CARD10: variants seen among roughly 807,000 people sequenced by gnomAD.
CARD10 encodes caspase recruitment domain-containing protein 10.
In CARD10, 49 loss-of-function variants were observed where a neutral mutation model predicts 114.6. That is an observed-to-expected ratio of 0.43 (90% CI 0.34 to 0.54). The LOEUF (loss-of-function observed/expected upper bound fraction) is 0.54. Ranked by LOEUF, CARD10 falls within the 20% of genes least tolerant of loss-of-function variation. CARD10 has a pLI of 0.03. For missense variants in CARD10, 1,206 were observed against 1,397.2 expected, an observed-to-expected ratio of 0.86 and a Z score of 2.18; for synonymous variants, 602 against 593.2, an observed-to-expected ratio of 1.01 and a Z score of -0.21.
chr22:37,496,497 AGGTTCTCT>A lies in CARD10; in HGVS notation c.2003_2010del (p.Gln668LeufsTer47). ...AGTGTGGACCCCTGATTCCAGAGCAAGGTTCTCTGCTGGGCCTCGGCTTCCAGGCACGC... is the reference window on the plus strand; with the variant it reads ...AGTGTGGACCCCTGATTCCAGAGCAAGCTGGGCCTCGGCTTCCAGGCACGC... On this transcript the variant is annotated frameshift_variant, in exon 13 of 20. Transcript: ENST00000251973. LOFTEE classifies it high-confidence loss of function. The surrounding 1 kb of genome is among the most constrained non-coding windows in gnomAD (Gnocchi z 4.1). 6.2e-7 allele frequency: 1 copy of A among 1,613,868 alleles called. No homozygotes were observed. Among genetic ancestry groups the A allele is most frequent in the Non-Finnish European group, 8.5e-7 (1 of 1,179,896 alleles).
rs748043565 is a variant in CARD10 at position 37,495,484 on chromosome 22, C to T, written c.2373+33G>A. On this transcript the variant is annotated intron_variant, in intron 15 of 19. Coordinates refer to ENST00000251973, the MANE Select transcript of CARD10 (RefSeq NM_014550.4). ...TCCCTTTTGGACCCCACCCTTGGGGCCCCCCACCCACTACCTGCCCAGCCG... is the reference window on the plus strand; with the variant it reads ...TCCCTTTTGGACCCCACCCTTGGGGTCCCCCACCCACTACCTGCCCAGCCG... 33 of 1,576,808 alleles carry T rather than the reference C, an allele frequency of 2.1e-5. No individual in the cohort carries two copies. The South Asian group carries it at 2.8e-4, about 13-fold the overall frequency.
Position 37,512,480 on chromosome 22 carries a change from C to T in CARD10, c.700-2059G>A, listed in dbSNP as rs6000757. Reference sequence around the variant, plus strand: ...AGCCCCCCCTCCACACACACACACACACACACACACACACACACACACACA... The same window carrying T: ...AGCCCCCCCTCCACACACACACACATACACACACACACACACACACACACA... On this transcript the variant is annotated intron_variant, in intron 3 of 19. Transcript: ENST00000251973. 9.5e-3 allele frequency among the ~76,000 whole-genome samples: 800 copies of T among 84,600 alleles called. 13 individuals are homozygous for T. The highest frequency in any genetic ancestry group is 0.03 in the African/African-American group (304 of 10,164). 55.5% of individuals were successfully genotyped at this position (84,600 alleles called of 152,430 possible). A position where few individuals can be genotyped will look rare whatever the true frequency, so the allele number is the denominator to read the frequency against.
At chr22:37,506,644 G>A (rs948260949) in intron 6 of CARD10, among the ~76,000 whole-genome samples, 5 of 152,114 alleles carry the variant, frequency 3.3e-5, no homozygotes, top group African/African-American at 9.7e-5. Flanking sequence ...GATTCAAATC[G>A]GGCAGTCCAT....
Position 37,519,257 on chromosome 22 carries a change from T to C in CARD10, c.-57A>G, listed in dbSNP as rs1009747365. On this transcript the variant is annotated 5_prime_UTR_variant, in exon 1 of 20. Transcript: ENST00000251973. This position sits in a 1 kb window ranked among gnomAD's most constrained non-coding sequence, Gnocchi z 4.1. ...CGCACGGGGGTCGACCAGGGCTCCC[T>C]AGGGCTAGATGTGCGGCCAAGCACC... 2.1e-6 allele frequency: 3 copies of C among 1,442,596 alleles called. No individual in the cohort carries two copies. The African/African-American group carries it at 4.4e-5, about 21-fold the overall frequency. The allele number at this position is 1,442,596 out of a possible 1,614,324, so 89.4% of individuals were successfully genotyped here. A position where few individuals can be genotyped will look rare whatever the true frequency, so the allele number is the denominator to read the frequency against.
intron 11 of CARD10, among the ~76,000 whole-genome samples, 159 bp downstream of exon 11, chr22:37,502,443 C>T (rs1000440270): frequency 3.9e-5 from 6 of 152,188 alleles, no homozygotes; most frequent in African/African-American, 1.4e-4. Context: ...CGATCAAGAG[C>T]GGCAGCAGGA....
At chr22:37,499,180 G>A (rs929034651) in intron 11 of CARD10, among the ~76,000 whole-genome samples, 5 of 152,074 alleles carry the variant, frequency 3.3e-5, no homozygotes, top group Non-Finnish European at 7.4e-5. Context: ...CAGATGGTCC[G>A]AGAAGCACAG....
At chr22:37,506,110 G>A (rs1022718078) in intron 7 of CARD10, 82 bp downstream of exon 7, 100 of 1,152,808 alleles carry the variant, frequency 8.7e-5, no homozygotes, top group Admixed American at 8.2e-4. Flanking sequence ...CACCAGGGCC[G>A]GCACGTTCCC....
In CARD10 at chr22:37,492,484, G is replaced by A. The variant is rs1442162760; in HGVS notation, c.2702C>T (p.Thr901Ile). ...CCGGATCCTGCTGCCTAGCCCAGGG[G>A]TGGCAGGCTGAGCCTTGGGGGCTCC... is the stretch of plus-strand genomic sequence containing the variant. ...APGAPKAQPA[T>I]PGLGSRIRAI... Residue 901 changes from threonine (T) to isoleucine (I), a missense_variant, in exon 18 of 20, where the codon ACC (threonine) becomes ATC (isoleucine). By Grantham distance (89) the Thr-to-Ile change is moderately conservative. Around this residue, in one of 2 missense-constraint regions of CARD10, gnomAD observed 1,068 missense variants for 1,179.1 expected, o/e 0.91. Coordinates refer to ENST00000251973, the MANE Select transcript of CARD10 (RefSeq NM_014550.4). The surrounding 1 kb of genome is among the most constrained non-coding windows in gnomAD (Gnocchi z 5.7). 5.6e-6 allele frequency: 9 copies of A among 1,602,884 alleles called. No individual in the cohort carries two copies. Among genetic ancestry groups the A allele is most frequent in the East Asian group, 2.2e-5 (1 of 44,730 alleles).
intron 3 of CARD10, among the ~76,000 whole-genome samples, chr22:37,510,959 G>A (rs997438061): frequency 3.9e-5 from 6 of 151,966 alleles, no homozygotes; most frequent in Admixed American, 3.3e-4. Context: ...GCACATGCCT[G>A]TAGTCCCAGC....
rs1923947734 is a variant in CARD10 at position 37,519,208 on chromosome 22, T to C, written c.-8A>G. The C allele has an allele frequency of 2.0e-6, 3 of 1,510,022 alleles. No homozygotes were observed. Among genetic ancestry groups the C allele is most frequent in the Non-Finnish European group, 2.6e-6 (3 of 1,132,738 alleles). The allele number at this position is 1,510,022 out of a possible 1,614,324, so 93.5% of individuals were successfully genotyped here. A position where few individuals can be genotyped will look rare whatever the true frequency, so the allele number is the denominator to read the frequency against. ...CTCCGCCCGGCCCGGCATGGCCGTG[T>C]CCTCAGGGTCTGCGGGCAAGAGGCG... On this transcript the variant is annotated 5_prime_UTR_variant, in exon 1 of 20. Transcript: ENST00000251973. This position sits in a 1 kb window ranked among gnomAD's most constrained non-coding sequence, Gnocchi z 4.1.
rs1384493025 is a variant in CARD10 at position 37,495,490 on chromosome 22, A to C, written c.2373+27T>G. 2.5e-6 allele frequency: 4 copies of C among 1,586,274 alleles called. No homozygotes were observed. The African/African-American group carries it at 4.0e-5, about 16-fold the overall frequency. ...TTGGACCCCACCCTTGGGGCCCCCCACCCACTACCTGCCCAGCCGTGCTCA... is the reference window on the plus strand; with the variant it reads ...TTGGACCCCACCCTTGGGGCCCCCCCCCCACTACCTGCCCAGCCGTGCTCA... On this transcript the variant is annotated intron_variant, in intron 15 of 19. Coordinates refer to ENST00000251973, the MANE Select transcript of CARD10 (RefSeq NM_014550.4).
intron 3 of CARD10, chr22:37,514,953 A>C (rs1923785226): frequency 6.6e-6 from 1 of 152,264 alleles, no homozygotes; most frequent in Non-Finnish European, 1.5e-5. Context: ...TGCTGGAGGG[A>C]GTCAGGTGAG....
At chr22:37,510,462 T>G (rs1301940545) in intron 3 of CARD10, 41 bp from the exon 4 acceptor site, 2 of 1,586,442 alleles carry the variant, frequency 1.3e-6, no homozygotes, top group African/African-American at 1.3e-5. Flanking sequence ...GGAGACACAC[T>G]GGGAGCCACG....
intron 15 of CARD10, among the ~76,000 whole-genome samples, chr22:37,494,900 G>A (rs989192140): frequency 5.3e-5 from 8 of 152,178 alleles, no homozygotes; most frequent in South Asian, 2.1e-4. Context: ...GCACAGCAGC[G>A]CTGGCCACGA....
chr22:37,502,737 G>C lies in CARD10; in HGVS notation c.1664-12C>G. 1 of 1,611,588 alleles carries C rather than the reference G, an allele frequency of 6.2e-7. No individual in the cohort carries two copies. Among genetic ancestry groups the C allele is most frequent in the Non-Finnish European group, 8.5e-7 (1 of 1,179,036 alleles). Reference sequence around the variant, plus strand: ...AAGTGTCACACTCCCTGGGGAAAAAGAATGAGGTTCAGGGATCTGGCACTG... The same window carrying C: ...AAGTGTCACACTCCCTGGGGAAAAACAATGAGGTTCAGGGATCTGGCACTG... On this transcript the variant is annotated splice_polypyrimidine_tract_variant and intron_variant, in intron 10 of 19. Transcript: ENST00000251973.
At chr22:37,516,473 A>G (rs1467014145) in intron 2 of CARD10, among the ~76,000 whole-genome samples, 175 bp from the exon 3 acceptor site, 1 of 144,942 alleles carries the variant, frequency 6.9e-6, no homozygotes, top group Non-Finnish European at 1.5e-5. Context: ...TCCAGGAGTT[A>G]TAAGAGAAAA....
rs571472486 is a variant in CARD10, at chr22:37,496,978, G to C, written c.1947+41C>G. 16 of 1,548,314 alleles carry C rather than the reference G, an allele frequency of 1.0e-5. No individual in the cohort carries two copies. In the African/African-American group the frequency reaches 2.2e-4, roughly 21 times the overall value. ...TAAGGGATGTCCAGCCTGGGCAAAA[G>C]CACTGACCCTACCCCCCCAGCTCAG... On this transcript the variant is annotated intron_variant, in intron 12 of 19. Transcript: ENST00000251973. The surrounding 1 kb of genome is among the most constrained non-coding windows in gnomAD (Gnocchi z 4.1).
intron 15 of CARD10, among the ~76,000 whole-genome samples, chr22:37,495,172 T>C (rs189004748): frequency 1.0e-3 from 156 of 152,290 alleles, no homozygotes; most frequent in African/African-American, 3.2e-3. Context: ...TTCACCGTGT[T>C]AGCCAGGATG....
intron 14 of CARD10, 77 bp downstream of exon 14, chr22:37,495,683 C>G: frequency 1.2e-6 from 2 of 1,609,354 alleles, no homozygotes; most frequent in South Asian, 1.1e-5. Flanking sequence ...TGAGGGAATG[C>G]AGGTGGAGGG....
Sources: allele counts gnomAD v4.1 joint callset (sites outside exome capture counted in the v4.1 genomes callset), GRCh38; gene constraint gnomAD v4.1.1; regional missense constraint gnomAD v4.1.1; non-coding constraint Gnocchi (gnomAD v3.1); transcripts MANE v1.5; gene names NCBI Gene and HGNC (gene_info 2026-07-23, HGNC 2026-07-21).